SYNPO2: variants seen among roughly 807,000 people sequenced by gnomAD.
SYNPO2 encodes synaptopodin 2, also known as synaptopodin-2.
A neutral mutation model predicts 85.0 loss-of-function variants in SYNPO2; 56 were observed. The observed-to-expected ratio is 0.66, with a 90% CI of 0.53 to 0.82. SYNPO2 has a LOEUF of 0.82. Among genes scored for constraint, SYNPO2 ranks in the 40% least tolerant of loss-of-function variants. The pLI, the probability that SYNPO2 is intolerant of heterozygous loss-of-function variation, is 0.00. For synonymous variants in SYNPO2, 602 were observed against 591.1 expected (o/e 1.02, Z -0.27); for missense variants, 1,575 against 1,534.2 (o/e 1.03, Z -0.44).
At chr4:118,919,714 A>C (rs1733470078) in intron 1 of SYNPO2, among the ~76,000 whole-genome samples, 1 of 152,114 alleles carries the variant, frequency 6.6e-6, no homozygotes, top group Non-Finnish European at 1.5e-5. Context: ...GAAATATGAG[A>C]AGGTGTCTTT....
intron 2 of SYNPO2, among the ~76,000 whole-genome samples, chr4:119,024,644 A>C (rs1348104867): frequency 6.6e-6 from 1 of 151,930 alleles, no homozygotes; most frequent in African/African-American, 2.4e-5. Flanking sequence ...AAATAAGTTT[A>C]TAAAATACAT....
At chr4:119,007,216 GTATATATATATA>G (rs66895824) in intron 1 of SYNPO2, among the ~76,000 whole-genome samples, 14 of 46,278 alleles carry the variant, frequency 3.0e-4, no homozygotes, top group Admixed American at 9.2e-4. Context: ...AAGAACAAAG[GTATATATATATA>G]TATATATATA....
intron 1 of SYNPO2, among the ~76,000 whole-genome samples, chr4:118,902,125 C>T (rs1034081357): frequency 6.6e-6 from 1 of 152,174 alleles, no homozygotes; most frequent in East Asian, 1.9e-4. Context: ...ATGAAAAACT[C>T]TCTCTCCTGG....
At chr4:118,952,448 G>A (rs1210238437) in intron 1 of SYNPO2, among the ~76,000 whole-genome samples, 1 of 152,004 alleles carries the variant, frequency 6.6e-6, no homozygotes, top group Non-Finnish European at 1.5e-5. Context: ...TGTTACATAT[G>A]TATATATGTG....
In SYNPO2 at chr4:119,058,091, TG is replaced by T; in HGVS notation, c.*158del. 6.0e-6 allele frequency: 4 copies of T among 669,104 alleles called. No individual in the cohort carries two copies. Among genetic ancestry groups the T allele is most frequent in the South Asian group, 2.0e-5 (1 of 49,698 alleles). The allele number at this position is 669,104 out of a possible 1,614,324, so 41.4% of individuals were successfully genotyped here. ...GTTTGTGTTTCTGTGTGTGTGTGTG[TG>T]TGTGTATGTATGTGAATATACACAC... On this transcript the variant is annotated 3_prime_UTR_variant, in exon 5 of 5. Coordinates refer to ENST00000307142, the MANE Select transcript of SYNPO2 (RefSeq NM_133477.3).
chr4:118,922,142 A>T lies in SYNPO2; in HGVS notation c.105+33001A>T, dbSNP rs574115160. On this transcript the variant is annotated intron_variant, in intron 1 of 4. Transcript: ENST00000307142. ...GTGAATGTCCAAGGCAAGCTTGCAT[A>T]AAAAATGCCTCCTTGTACTTGAGTG... Among the ~76,000 whole-genome samples the T allele has an allele frequency of 1.7e-3, 256 of 152,276 alleles. 1 individual carries two copies. The highest frequency in any genetic ancestry group is 5.9e-3 in the African/African-American group (244 of 41,562).
chr4:118,997,670 C>T (rs1388904019), intron 1 of SYNPO2, among the ~76,000 whole-genome samples: 1 of 152,198 alleles, frequency 6.6e-6, no homozygotes, highest in African/African-American at 2.4e-5. Flanking sequence ...GTTGAATGCA[C>T]CTGTTACTTG....
At chr4:118,966,205 G>C (rs1039294251) in intron 1 of SYNPO2, among the ~76,000 whole-genome samples, 7 of 152,196 alleles carry the variant, frequency 4.6e-5, no homozygotes, top group Admixed American at 3.3e-4. Flanking sequence ...CCATTCATTT[G>C]AGTGGATAGA....
At chr4:118,971,053 C>T (rs1735523272) in intron 1 of SYNPO2, among the ~76,000 whole-genome samples, 1 of 152,160 alleles carries the variant, frequency 6.6e-6, no homozygotes, top group African/African-American at 2.4e-5. Context: ...GGACTGAGCA[C>T]ATTCTGGTGC....
chr4:118,905,231 A>G (rs1374192935), intron 1 of SYNPO2, among the ~76,000 whole-genome samples: 1 of 152,184 alleles, frequency 6.6e-6, no homozygotes, highest in Non-Finnish European at 1.5e-5. Context: ...ATGATATCCA[A>G]TTACCCTGAC....
At chr4:118,859,111 A>G (rs1208317869) in intron 1 of SYNPO2, among the ~76,000 whole-genome samples, 1 of 152,232 alleles carries the variant, frequency 6.6e-6, no homozygotes, top group East Asian at 1.9e-4. Context: ...ATCGACACCA[A>G]AGATAATGTT....
chr4:118,902,452 G>A (rs552590222), intron 1 of SYNPO2, among the ~76,000 whole-genome samples: 1 of 152,258 alleles, frequency 6.6e-6, no homozygotes, highest in East Asian at 1.9e-4. Context: ...CCAAGCAAAA[G>A]GGGTTTCCCC....
Position 119,033,240 on chromosome 4 carries a change from A to G in SYNPO2, c.3252+1213A>G, listed in dbSNP as rs1211896869. 6.1e-6 allele frequency: 6 copies of G among 985,322 alleles called. No individual in the cohort carries two copies. The African/African-American group carries it at 8.7e-5, about 14-fold the overall frequency. The allele number at this position is 985,322 out of a possible 1,614,324, so 61.0% of individuals were successfully genotyped here. A position where few individuals can be genotyped will look rare whatever the true frequency, so the allele number is the denominator to read the frequency against. On this transcript the variant is annotated intron_variant, in intron 4 of 4. Coordinates refer to ENST00000307142, the MANE Select transcript of SYNPO2 (RefSeq NM_133477.3). ...TAGCATCATTTCTGAGTGATCTCAC[A>G]GATTTTTTTTCTTGTGTTTGCTTTG...
chr4:119,031,498 C>A lies in SYNPO2; in HGVS notation c.2723C>A (p.Pro908Gln). Reference sequence around the variant, plus strand: ...GCTCAGTCTCCCACTCCATCTCTCCCGGCCAGTTGGAAGTACTCCTCCAAT... The same window carrying A: ...GCTCAGTCTCCCACTCCATCTCTCCAGGCCAGTTGGAAGTACTCCTCCAAT... The part of the protein sequence containing the change: ...ARAQSPTPSL[P>Q]ASWKYSSNVR... Residue 908 changes from proline (P) to glutamine (Q), a missense_variant, in exon 4 of 5, where the codon CCG becomes CAG. By Grantham distance (76) the Pro-to-Gln change is moderately conservative. Around this residue, in one of 3 missense-constraint regions of SYNPO2, gnomAD observed 1,508 missense variants for 1,446.8 expected, o/e 1.04. Transcript: ENST00000307142. 6.2e-7 allele frequency: 1 copy of A among 1,614,160 alleles called. No individual in the cohort carries two copies. Among genetic ancestry groups the A allele is most frequent in the Non-Finnish European group, 8.5e-7 (1 of 1,180,008 alleles).
intron 1 of SYNPO2, among the ~76,000 whole-genome samples, chr4:118,987,083 C>A (rs1736246946): frequency 6.6e-6 from 1 of 152,074 alleles, no homozygotes; most frequent in Non-Finnish European, 1.5e-5. Context: ...GGTGAAACTG[C>A]AAATAAATAA....
intron 1 of SYNPO2, among the ~76,000 whole-genome samples, chr4:118,861,936 T>A (rs576621080): frequency 6.4e-4 from 97 of 152,362 alleles, no homozygotes; most frequent in Admixed American, 1.0e-3. Context: ...TCAGGTAGTA[T>A]GGACATTTTA....
intron 1 of SYNPO2, among the ~76,000 whole-genome samples, chr4:118,865,970 T>C (rs1578506250): frequency 1.3e-5 from 2 of 152,030 alleles, no homozygotes; most frequent in South Asian, 2.1e-4. Context: ...CCCAGGAGAG[T>C]GAAGCTGATT....
intron 1 of SYNPO2, among the ~76,000 whole-genome samples, chr4:118,946,513 G>A (rs1734510463): frequency 7.1e-6 from 1 of 140,606 alleles, no homozygotes; most frequent in African/African-American, 2.5e-5. Flanking sequence ...ACTCTTGAAG[G>A]ATTCCACAGT....
At chr4:119,010,377 A>G (rs1485651121) in intron 1 of SYNPO2, among the ~76,000 whole-genome samples, 1 of 152,236 alleles carries the variant, frequency 6.6e-6, no homozygotes, top group East Asian at 1.9e-4. Context: ...GGCAGCGGCA[A>G]GAGAAAATGA....
Sources: allele counts gnomAD v4.1 joint callset (sites outside exome capture counted in the v4.1 genomes callset), GRCh38; gene constraint gnomAD v4.1.1; regional missense constraint gnomAD v4.1.1; transcripts MANE v1.5; gene names NCBI Gene and HGNC (gene_info 2026-07-23, HGNC 2026-07-21).